Variants in NUBPL observed in about 807,000 individuals in gnomAD.
NUBPL encodes iron-sulfur cluster transfer protein NUBPL.
In NUBPL, 31 loss-of-function variants were observed where a neutral mutation model predicts 45.7. The observed-to-expected ratio is 0.68, with a 90% CI of 0.51 to 0.92. The LOEUF is 0.92. Among genes scored for constraint, NUBPL ranks in the 40% least tolerant of loss-of-function variants. The pLI is 0.00. For missense variants in NUBPL, 401 were observed against 398.7 expected (o/e 1.01, Z -0.05); for synonymous variants, 144 against 140.9 (o/e 1.02, Z -0.15).
intron 3 of NUBPL, among the ~76,000 whole-genome samples, chr14:31,589,865 G>GT (rs2034098581): frequency 6.6e-6 from 1 of 152,178 alleles, no homozygotes; most frequent in Admixed American, 6.5e-5. Context: ...TTGGCTGGAT[G>GT]TTTCCTCCTC....
At chr14:31,799,251 T>C (rs1362298508) in intron 7 of NUBPL, among the ~76,000 whole-genome samples, 1 of 152,156 alleles carries the variant, frequency 6.6e-6, no homozygotes, top group African/African-American at 2.4e-5. Flanking sequence ...AAAAATCCTT[T>C]TTTATAGTGT....
At chr14:31,704,876 C>G (rs28435781) in intron 6 of NUBPL, among the ~76,000 whole-genome samples, 1 of 152,032 alleles carries the variant, frequency 6.6e-6, no homozygotes. Flanking sequence ...AGCCGCGGAC[C>G]CTTGTGCTGA....
intron 3 of NUBPL, among the ~76,000 whole-genome samples, chr14:31,572,813 T>C (rs2033623457): frequency 6.6e-6 from 1 of 152,224 alleles, no homozygotes; most frequent in African/African-American, 2.4e-5. Context: ...TAGCCTACTG[T>C]ACACCTAAGC....
At chr14:31,761,444 A>G (rs991015971) in intron 6 of NUBPL, among the ~76,000 whole-genome samples, 4 of 152,222 alleles carry the variant, frequency 2.6e-5, no homozygotes, top group African/African-American at 9.6e-5. Context: ...ATACAGAAAT[A>G]TATAAAGTAA....
chr14:31,647,448 G>A (rs1357114438), intron 4 of NUBPL, among the ~76,000 whole-genome samples: 3 of 152,200 alleles, frequency 2.0e-5, no homozygotes, highest in African/African-American at 7.2e-5. Flanking sequence ...GTTTGCCTGA[G>A]CTCTAGTATT....
intron 4 of NUBPL, among the ~76,000 whole-genome samples, chr14:31,625,522 CTG>C (rs1487222772): frequency 6.8e-6 from 1 of 148,074 alleles, no homozygotes; most frequent in Non-Finnish European, 1.5e-5. Context: ...GTCGCCCAGG[CTG>C]GAGTGCAATG....
chr14:31,693,857 C>CTTTTTTTTTT (rs36082577), intron 6 of NUBPL, among the ~76,000 whole-genome samples: 2 of 59,162 alleles, frequency 3.4e-5, no homozygotes, highest in Non-Finnish European at 8.2e-5. Context: ...CTTTTCTTTT[C>CTTTTTTTTTT]TTTTTTTTTT....
At chr14:31,688,503 G>C in intron 6 of NUBPL, among the ~76,000 whole-genome samples, 1 of 149,844 alleles carries the variant, frequency 6.7e-6, no homozygotes, top group Admixed American at 6.7e-5. Flanking sequence ...CTCGAACCTA[G>C]AAGGCCGAGG....
chr14:31,618,139 A>G (rs1218240126), intron 4 of NUBPL, among the ~76,000 whole-genome samples: 1 of 151,884 alleles, frequency 6.6e-6, no homozygotes, highest in Non-Finnish European at 1.5e-5. Flanking sequence ...ATCTTTTTTA[A>G]TTGCATCTAT....
intron 4 of NUBPL, among the ~76,000 whole-genome samples, chr14:31,649,529 C>T (rs58213271): frequency 0.14 from 21,047 of 152,094 alleles, 4,191 homozygotes; most frequent in African/African-American, 0.44. Flanking sequence ...GTGAAATGAA[C>T]TTTTAAGTTT....
In NUBPL at chr14:31,574,225, T is replaced by C. The variant is rs145342766; in HGVS notation, c.291+9177T>C. Among the ~76,000 whole-genome samples, 48 of 152,168 alleles carry C rather than the reference T, an allele frequency of 3.2e-4. No homozygotes were observed. In the East Asian group the frequency reaches 7.5e-3, roughly 24 times the overall value. ...TAGCTAAATAAAAGCTTTTAAGTAA[T>C]ATTGCAAAATAAATCAGTGCACATC... On this transcript the variant is annotated intron_variant, in intron 3 of 10. Coordinates refer to ENST00000281081, the MANE Select transcript of NUBPL (RefSeq NM_025152.3).
chr14:31,694,361 G>A (rs2037167061), intron 6 of NUBPL, among the ~76,000 whole-genome samples: 1 of 152,120 alleles, frequency 6.6e-6, no homozygotes, highest in African/African-American at 2.4e-5. Context: ...AGTATTATTT[G>A]GTGAGTAGCT....
At chr14:31,622,033 T>C (rs933518082) in intron 4 of NUBPL, among the ~76,000 whole-genome samples, 4 of 152,194 alleles carry the variant, frequency 2.6e-5, no homozygotes, top group African/African-American at 9.7e-5. Context: ...CAATGAAGTT[T>C]AGGCTGAGGT....
At chr14:31,832,932 G>T (rs1252673747) in intron 8 of NUBPL, among the ~76,000 whole-genome samples, 1 of 152,122 alleles carries the variant, frequency 6.6e-6, no homozygotes, top group Non-Finnish European at 1.5e-5. Context: ...ACAGTTCCTG[G>T]CAGTCTAAGC....
At chr14:31,606,475 T>G (rs563425638) in intron 4 of NUBPL, among the ~76,000 whole-genome samples, 3 of 152,306 alleles carry the variant, frequency 2.0e-5, no homozygotes, top group Admixed American at 1.3e-4. Flanking sequence ...CTCTGTTGTT[T>G]CCTTCCAGAG....
At chr14:31,574,402 G>A (rs2033665497) in intron 3 of NUBPL, among the ~76,000 whole-genome samples, 1 of 151,056 alleles carries the variant, frequency 6.6e-6, no homozygotes, top group South Asian at 2.1e-4. Flanking sequence ...GTAGCTGGGA[G>A]TACAGGTGTG....
intron 3 of NUBPL, among the ~76,000 whole-genome samples, chr14:31,587,079 A>G (rs1162958191): frequency 1.3e-5 from 2 of 152,308 alleles, no homozygotes; most frequent in East Asian, 3.9e-4. Flanking sequence ...GACTGGTGCT[A>G]ACTTCCTGCA....
intron 6 of NUBPL, among the ~76,000 whole-genome samples, chr14:31,784,700 C>T (rs113795594): frequency 0.011 from 1,619 of 151,884 alleles, 23 homozygotes; most frequent in African/African-American, 0.037. Context: ...GCCAAAGAAC[C>T]CTGTATTGAG....
chr14:31,855,292 T>G (rs2040599327), intron 10 of NUBPL, among the ~76,000 whole-genome samples: 1 of 152,216 alleles, frequency 6.6e-6, no homozygotes, highest in African/African-American at 2.4e-5. Context: ...TAGATGTTAT[T>G]TCTATTTATA....
Sources: gnomAD v4.1 joint callset for allele counts (sites outside exome capture counted in the v4.1 genomes callset) on GRCh38, gnomAD v4.1.1 for gene constraint, MANE v1.5 for transcripts, NCBI Gene and HGNC (gene_info 2026-07-23, HGNC 2026-07-21) for gene names.